PKP4: variants seen among roughly 807,000 people sequenced by gnomAD.
PKP4 encodes the protein plakophilin-4.
PKP4 carries 90 observed loss-of-function variants against 145.1 expected under a neutral mutation model. The observed-to-expected ratio is 0.62, with a 90% CI of 0.52 to 0.74. The LOEUF is 0.74. Ranked by LOEUF, PKP4 falls within the 30% of genes least tolerant of loss-of-function variation. The pLI is 0.00. For synonymous variants in PKP4, 563 were observed against 577.2 expected (o/e 0.98, Z 0.35); for missense variants, 1,340 against 1,482.7 (o/e 0.90, Z 1.58).
intron 1 of PKP4, among the ~76,000 whole-genome samples, chr2:158,483,378 T>A (rs924021484): frequency 6.7e-6 from 1 of 148,404 alleles, no homozygotes; most frequent in African/African-American, 2.5e-5. Context: ...TTTTTTTTTT[T>A]AAATCATTTT....
At chr2:158,502,533 G>C (rs1013938536) in intron 1 of PKP4, among the ~76,000 whole-genome samples, 1 of 152,194 alleles carries the variant, frequency 6.6e-6, no homozygotes, top group East Asian at 1.9e-4. Flanking sequence ...TCCAAGTGAA[G>C]TGTCTTCTCA....
chr2:158,487,629 A>G (rs1351274115), intron 1 of PKP4, among the ~76,000 whole-genome samples: 1 of 152,222 alleles, frequency 6.6e-6, no homozygotes, highest in African/African-American at 2.4e-5. Flanking sequence ...ACACATGCTG[A>G]AAGAACTTGA....
chr2:158,574,686 G>GT (rs370884796), intron 2 of PKP4, among the ~76,000 whole-genome samples: 1,965 of 152,276 alleles, frequency 0.013, 32 homozygotes, highest in Middle Eastern at 0.051. Flanking sequence ...CAAATTCAGT[G>GT]CTTTATAGCT....
At chr2:158,641,870 T>C (rs1245347579) in intron 10 of PKP4, among the ~76,000 whole-genome samples, 1 of 152,182 alleles carries the variant, frequency 6.6e-6, no homozygotes, top group Non-Finnish European at 1.5e-5. Context: ...ACTGCTGGAG[T>C]GAAAGCACAA....
intron 2 of PKP4, among the ~76,000 whole-genome samples, chr2:158,576,557 TC>T (rs2047871903): frequency 6.6e-6 from 1 of 152,228 alleles, no homozygotes; most frequent in Non-Finnish European, 1.5e-5. Context: ...AAACATTCTC[TC>T]CTTTCATAGA....
chr2:158,592,277 C>T (rs1420463095), intron 3 of PKP4, among the ~76,000 whole-genome samples: 1 of 151,968 alleles, frequency 6.6e-6, no homozygotes, highest in East Asian at 1.9e-4. Context: ...TTAAAACATT[C>T]TAGAACCACT....
At chr2:158,479,906 G>A (rs1693076343) in intron 1 of PKP4, among the ~76,000 whole-genome samples, 1 of 152,102 alleles carries the variant, frequency 6.6e-6, no homozygotes, top group Non-Finnish European at 1.5e-5. Context: ...CCATAAACTG[G>A]TTCCACAGTT....
intron 4 of PKP4, among the ~76,000 whole-genome samples, chr2:158,607,418 A>T (rs2050746645): frequency 6.6e-6 from 1 of 152,172 alleles, no homozygotes; most frequent in Admixed American, 6.5e-5. Flanking sequence ...AAATGTAGTT[A>T]CGAAAGTGTG....
At chr2:158,538,062 T>C (rs181123759) in intron 2 of PKP4, among the ~76,000 whole-genome samples, 2 of 152,226 alleles carry the variant, frequency 1.3e-5, no homozygotes, top group East Asian at 3.9e-4. Flanking sequence ...ATCCTGCCTC[T>C]TCCTGTGGAA....
intron 1 of PKP4, among the ~76,000 whole-genome samples, chr2:158,525,896 A>T (rs1174081531): frequency 6.6e-6 from 1 of 150,862 alleles, no homozygotes; most frequent in Non-Finnish European, 1.5e-5. Context: ...GAAATGGATA[A>T]ATTCCTCGAC....
chr2:158,567,801 T>C (rs1236377708), intron 2 of PKP4, among the ~76,000 whole-genome samples: 2 of 152,156 alleles, frequency 1.3e-5, no homozygotes, highest in East Asian at 3.9e-4. Context: ...GTAGTCTAAA[T>C]TAATGTGAAC....
At chr2:158,592,600 A>C (rs547118019) in intron 3 of PKP4, among the ~76,000 whole-genome samples, 71 of 152,226 alleles carry the variant, frequency 4.7e-4, no homozygotes, top group African/African-American at 1.6e-3. Flanking sequence ...TGAAATTTTT[A>C]CTGTTTATAA....
chr2:158,509,774 C>T (rs529639709), intron 1 of PKP4, among the ~76,000 whole-genome samples: 48 of 152,074 alleles, frequency 3.2e-4, no homozygotes, highest in South Asian at 6.2e-4. Flanking sequence ...ATGGAGAAAC[C>T]CTGTCTCTAC....
At chr2:158,539,639 G>A (rs1049499991) in intron 2 of PKP4, among the ~76,000 whole-genome samples, 6 of 152,096 alleles carry the variant, frequency 3.9e-5, no homozygotes, top group African/African-American at 9.7e-5. Context: ...TATTGTTACC[G>A]TGTAACCCAC....
chr2:158,505,731 A>T (rs1308511101), intron 1 of PKP4, among the ~76,000 whole-genome samples: 1 of 152,040 alleles, frequency 6.6e-6, no homozygotes, highest in African/African-American at 2.4e-5. Flanking sequence ...TTCTTAGGTG[A>T]CGTGACTCAG....
intron 1 of PKP4, among the ~76,000 whole-genome samples, chr2:158,518,273 G>A (rs922641270): frequency 2.0e-5 from 3 of 152,148 alleles, no homozygotes; most frequent in Non-Finnish European, 2.9e-5. Context: ...CCCAAGTTAC[G>A]TCACAGCTTA....
At chr2:158,562,981 G>A (rs547389423) in intron 2 of PKP4, among the ~76,000 whole-genome samples, 32 of 152,166 alleles carry the variant, frequency 2.1e-4, no homozygotes, top group African/African-American at 5.8e-4. Context: ...AATTAAAACC[G>A]TAGAGTAAGC....
At chr2:158,490,226 T>C (rs890260739) in intron 1 of PKP4, among the ~76,000 whole-genome samples, 1 of 152,086 alleles carries the variant, frequency 6.6e-6, no homozygotes, top group African/African-American at 2.4e-5. Flanking sequence ...ACAGTTACTG[T>C]GCCAACAGAT....
At chr2:158,566,479 A>AATAT (rs561964313) in intron 2 of PKP4, among the ~76,000 whole-genome samples, 196 of 151,250 alleles carry the variant, frequency 1.3e-3, no homozygotes, top group African/African-American at 4.7e-3. Flanking sequence ...ATAATTTTGA[A>AATAT]ATATATATAT....
Sources: allele counts gnomAD v4.1 joint callset (sites outside exome capture counted in the v4.1 genomes callset), GRCh38; gene constraint gnomAD v4.1.1; transcripts MANE v1.5; gene names NCBI Gene and HGNC (gene_info 2026-07-23, HGNC 2026-07-21).